MAFK: variants seen among roughly 807,000 people sequenced by gnomAD.
MAFK encodes the protein transcription factor MafK.
In MAFK, 1 loss-of-function variant was observed where a neutral mutation model predicts 9.2. The observed-to-expected ratio is 0.11, with a 90% CI of 0.04 to 0.52. MAFK has a LOEUF of 0.52. Among genes scored for constraint, MAFK ranks in the 20% least tolerant of loss-of-function variants. The pLI, the probability that MAFK is intolerant of heterozygous loss-of-function variation, is 0.94. For missense variants in MAFK, 207 were observed against 236.0 expected (o/e 0.88, Z 0.81); for synonymous variants, 110 against 107.4 (o/e 1.02, Z -0.15).
chr7:1,533,260 G>C (rs1783944656), intron 1 of MAFK, among the ~76,000 whole-genome samples: 1 of 152,208 alleles, frequency 6.6e-6, no homozygotes, highest in African/African-American at 2.4e-5. Context: ...TATTGGGGTG[G>C]AGACTGCCCT....
In MAFK at chr7:1,540,172, G is replaced by A; in HGVS notation, c.268G>A (p.Val90Met). The change falls in exon 3 of 3, where the codon GTG (valine) becomes ATG (methionine). Residue 90 changes from valine (V) to methionine (M), a missense_variant. Coordinates refer to ENST00000343242, the MANE Select transcript of MAFK (RefSeq NM_002360.4). ...ERQRVELQQE[V>M]EKLARENSSM... ...GCAGCGCGTGGAGCTGCAGCAGGAG[G>A]TGGAGAAGCTGGCGCGTGAGAACAG... 1 of 1,574,126 alleles carries A rather than the reference G, an allele frequency of 6.4e-7. No homozygotes were observed. The highest frequency in any genetic ancestry group is 8.6e-7 in the Non-Finnish European group (1 of 1,160,378).
chr7:1,538,173 T>C, intron 1 of MAFK: 5 of 705,478 alleles, frequency 7.1e-6, no homozygotes, highest in Non-Finnish European at 7.0e-6. Context: ...ATGGCAACTA[T>C]CGGAGGGCTC....
Position 1,540,303 on chromosome 7 carries a change from C to T in MAFK, c.399C>T (p.Thr133=). 7.4e-6 allele frequency: 12 copies of T among 1,611,588 alleles called. No individual in the cohort carries two copies. The highest frequency in any genetic ancestry group is 1.0e-5 in the Non-Finnish European group (12 of 1,179,152). ...CTGTGGCGCCCTCCAAGGTGGCCAC[C>T]ACCAGCGTCATCACCATCGTCAAGT... ...RGPVAPSKVA[T]TSVITIVKST... is the part of the protein sequence containing the mutation. The change falls in exon 3 of 3, where the codon ACC becomes ACT. Residue 133 remains threonine, a synonymous_variant. Coordinates refer to ENST00000343242, the MANE Select transcript of MAFK (RefSeq NM_002360.4).
At position 1,540,867 on chromosome 7, in the gene MAFK, CCCCGGGGAGGAGCATGGATGGTGT is replaced by C; in HGVS notation, c.*493_*516del. On this transcript the variant is annotated 3_prime_UTR_variant, in exon 3 of 3. Coordinates refer to ENST00000343242, the MANE Select transcript of MAFK (RefSeq NM_002360.4). Reference sequence around the variant, plus strand: ...TCACTGCCCTGACCGACTCCGCAGTCCCCGGGGAGGAGCATGGATGGTGTGTCGGCAGCTCCGTCCTTCCAGCTG... The same window carrying C: ...TCACTGCCCTGACCGACTCCGCAGTCGTCGGCAGCTCCGTCCTTCCAGCTG... 2 of 162,490 alleles carry C rather than the reference CCCCGGGGAGGAGCATGGATGGTGT, an allele frequency of 1.2e-5. No homozygotes were observed. Among genetic ancestry groups the C allele is most frequent in the Non-Finnish European group, 2.7e-5 (2 of 74,826 alleles). 10.1% of individuals were successfully genotyped at this position (162,490 alleles called of 1,614,324 possible).
rs1230145609 is a variant in MAFK, at chr7:1,540,381, G to T, written c.*6G>T. On this transcript the variant is annotated 3_prime_UTR_variant, in exon 3 of 3. Transcript: ENST00000343242. ...CCTTCTCGGCTGCATCCTAGTGCCG[G>T]CCGGGGGCGGGGGGTGGCGGGCGGC... is the stretch of plus-strand genomic sequence containing the variant. 6 of 1,507,992 alleles carry T rather than the reference G, an allele frequency of 4.0e-6. No individual in the cohort carries two copies. The highest frequency in any genetic ancestry group is 4.4e-6 in the Non-Finnish European group (5 of 1,125,532). The allele number at this position is 1,507,992 out of a possible 1,614,324, so 93.4% of individuals were successfully genotyped here. A position where few individuals can be genotyped will look rare whatever the true frequency, so the allele number is the denominator to read the frequency against.
In MAFK at chr7:1,534,905, CTT is replaced by C. The variant is rs1158014093; in HGVS notation, c.-45+4017_-45+4018del. On this transcript the variant is annotated intron_variant, in intron 1 of 2. Transcript: ENST00000343242. The surrounding 1 kb of genome is among the most constrained non-coding windows in gnomAD (Gnocchi z 4.3). Reference sequence around the variant, plus strand: ...TGCTCAACTCACTTTTGCACTCTCTCTTTTTTTTTTTCCTAAAAGATAAGGTC... The same window carrying C: ...TGCTCAACTCACTTTTGCACTCTCTCTTTTTTTTTCCTAAAAGATAAGGTC... Among the ~76,000 whole-genome samples the C allele has an allele frequency of 6.8e-6, 1 of 147,602 alleles. No individual in the cohort carries two copies. Among genetic ancestry groups the C allele is most frequent in the African/African-American group, 2.5e-5 (1 of 40,384 alleles).
In MAFK at chr7:1,540,153, C is replaced by G; in HGVS notation, c.249C>G (p.Arg83=). The G allele has an allele frequency of 6.4e-7, 1 of 1,570,436 alleles. No homozygotes were observed. The highest frequency in any genetic ancestry group is 8.6e-7 in the Non-Finnish European group (1 of 1,158,146). Residue 83 remains arginine, a synonymous_variant, in exon 3 of 3, where the codon CGC becomes CGG. Coordinates refer to ENST00000343242, the MANE Select transcript of MAFK (RefSeq NM_002360.4). The part of the protein sequence containing the change: ...VTQKEELERQ[R]VELQQEVEKL... ...AGAAGGAGGAGCTGGAGCGGCAGCGCGTGGAGCTGCAGCAGGAGGTGGAGA... is the reference window on the plus strand; with the variant it reads ...AGAAGGAGGAGCTGGAGCGGCAGCGGGTGGAGCTGCAGCAGGAGGTGGAGA...
rs907231524 is a variant in MAFK, at chr7:1,538,960, G to A, written c.-44-189G>A. ...ACCCTCAGGCAGGGACAGAGGCCGGGCCAGGATGCCTCACCCCCTGGGAAG... is the reference window on the plus strand; with the variant it reads ...ACCCTCAGGCAGGGACAGAGGCCGGACCAGGATGCCTCACCCCCTGGGAAG... On this transcript the variant is annotated intron_variant, in intron 1 of 2. Transcript: ENST00000343242. 15 of 567,978 alleles carry A rather than the reference G, an allele frequency of 2.6e-5. No homozygotes were observed. In the African/African-American group the frequency reaches 2.9e-4, roughly 11 times the overall value. 35.2% of individuals were successfully genotyped at this position (567,978 alleles called of 1,614,324 possible).
chr7:1,531,504 A>G (rs1433928951), intron 1 of MAFK, among the ~76,000 whole-genome samples: 1 of 151,936 alleles, frequency 6.6e-6, no homozygotes, highest in Non-Finnish European at 1.5e-5. Context: ...TCAGCCGCCC[A>G]CCTGCCAGGG....
chr7:1,536,360 G>T (rs1336624794), intron 1 of MAFK, among the ~76,000 whole-genome samples: 1 of 152,170 alleles, frequency 6.6e-6, no homozygotes, highest in South Asian at 2.1e-4. Context: ...GTTCCTCGGG[G>T]GCTGCTGGAG....
chr7:1,540,055 C>A lies in MAFK; in HGVS notation c.151C>A (p.Arg51Ser). 1 of 1,559,148 alleles carries A rather than the reference C, an allele frequency of 6.4e-7. No individual in the cohort carries two copies. Among genetic ancestry groups the A allele is most frequent in the East Asian group, 2.4e-5 (1 of 41,790 alleles). The stretch of plus-strand genomic sequence containing the variant: ...GGGTCTCACCAAGGAGGAGGTGACC[C>A]GCCTGAAGCAGCGTCGGCGCACACT... Reference protein sequence around the residue: ...LRGLTKEEVTRLKQRRRTLKN... With the variant: ...LRGLTKEEVTSLKQRRRTLKN... Residue 51 changes from arginine to serine, a missense_variant, in exon 3 of 3, where the codon CGC becomes AGC. By Grantham distance (110) the Arg-to-Ser change is moderately radical. Transcript: ENST00000343242.
intron 1 of MAFK, among the ~76,000 whole-genome samples, chr7:1,536,832 G>A (rs1022283763): frequency 2.0e-5 from 3 of 152,236 alleles, no homozygotes; most frequent in South Asian, 2.1e-4. Context: ...CCGCTGCGTC[G>A]TCTCTCCAGG....
At position 1,542,643 on chromosome 7, in the gene MAFK, A is replaced by G. The variant is rs1050884751; in HGVS notation, c.*2268A>G. On this transcript the variant is annotated 3_prime_UTR_variant, in exon 3 of 3. Coordinates refer to ENST00000343242, the MANE Select transcript of MAFK (RefSeq NM_002360.4). ...TTCTGCTTTTCTTTTCAGATTGTTG[A>G]AATTTCATTGTCATGATTTAATATA... The G allele has an allele frequency of 1.3e-5, 2 of 152,330 alleles. No homozygotes were observed. The highest frequency in any genetic ancestry group is 4.8e-5 in the African/African-American group (2 of 41,454). 9.4% of individuals were successfully genotyped at this position (152,330 alleles called of 1,614,324 possible).
Position 1,540,146 on chromosome 7 carries a change from G to T in MAFK, c.242G>T (p.Arg81Leu). 1 of 1,569,794 alleles carries T rather than the reference G, an allele frequency of 6.4e-7. No homozygotes were observed. ...GTGACGCAGAAGGAGGAGCTGGAGC[G>T]GCAGCGCGTGGAGCTGCAGCAGGAG... ...KRVTQKEELE[R>L]QRVELQQEVE... The change falls in exon 3 of 3, where the codon CGG becomes CTG. Residue 81 changes from arginine (R) to leucine (L), a missense_variant. Physicochemically the swap from Arg to Leu is moderately radical, Grantham distance 102 (BLOSUM62 -2). Transcript: ENST00000343242.
At chr7:1,531,349 C>T (rs1020520670) in intron 1 of MAFK, among the ~76,000 whole-genome samples, 9 of 152,016 alleles carry the variant, frequency 5.9e-5, no homozygotes, top group Non-Finnish European at 1.3e-4. Flanking sequence ...AGCGTGGCTT[C>T]CGCGTGCGGC....
intron 1 of MAFK, among the ~76,000 whole-genome samples, chr7:1,531,212 C>A (rs1300255488): frequency 1.3e-5 from 2 of 149,814 alleles, no homozygotes; most frequent in East Asian, 2.0e-4. Flanking sequence ...GGACGAGGAT[C>A]CACGCGGGTC....
Position 1,540,259 on chromosome 7 carries a change from C to CGCACCGTG in MAFK, c.358_365dup (p.Arg123ProfsTer197). ...GTACGAGGCGCTGCAGACCTTCGCGCGCACCGTGGCCCGGGGACCTGTGGC... is the reference window on the plus strand; with the variant it reads ...GTACGAGGCGCTGCAGACCTTCGCGCGCACCGTGGCACCGTGGCCCGGGGACCTGTGGC... On this transcript the variant is annotated frameshift_variant, in exon 3 of 3. Coordinates refer to ENST00000343242, the MANE Select transcript of MAFK (RefSeq NM_002360.4). LOFTEE classifies it high-confidence loss of function. 6.2e-7 allele frequency: 1 copy of CGCACCGTG among 1,610,542 alleles called. No homozygotes were observed.
In MAFK at chr7:1,539,988, G is replaced by A. The variant is rs1784137515; in HGVS notation, c.84G>A (p.Glu28=). 1.9e-6 allele frequency: 3 copies of A among 1,555,568 alleles called. No individual in the cohort carries two copies. The highest frequency in any genetic ancestry group is 2.6e-6 in the Non-Finnish European group (3 of 1,149,414). ...ACGCCCCGGTGCTCAGCGATGATGA[G>A]CTGGTGTCCATGTCGGTGCGGGAGC... ...GENAPVLSDD[E]LVSMSVRELN... is the part of the protein sequence containing the mutation. Residue 28 remains glutamate (E), a synonymous_variant, in exon 3 of 3, where the codon GAG becomes GAA. Coordinates refer to ENST00000343242, the MANE Select transcript of MAFK (RefSeq NM_002360.4).
Position 1,540,420 on chromosome 7 carries a change from G to T in MAFK, c.*45G>T. 7.9e-7 allele frequency: 1 copy of T among 1,261,854 alleles called. No individual in the cohort carries two copies. The highest frequency in any genetic ancestry group is 1.5e-5 in the South Asian group (1 of 65,180). The allele number at this position is 1,261,854 out of a possible 1,614,324, so 78.2% of individuals were successfully genotyped here. On this transcript the variant is annotated 3_prime_UTR_variant, in exon 3 of 3. Transcript: ENST00000343242. ...GTGGCGGGCGGCGGGCGGCGGGCAG[G>T]CGGGTGGGGGCACACCCCTCGTACC...
Sources: gnomAD v4.1 joint callset for allele counts (sites outside exome capture counted in the v4.1 genomes callset) on GRCh38, gnomAD v4.1.1 for gene constraint, Gnocchi (gnomAD v3.1) non-coding constraint, MANE v1.5 for transcripts, NCBI Gene and HGNC (gene_info 2026-07-23, HGNC 2026-07-21) for gene names.